The following TMEM117 variants were observed in gnomAD, a reference collection of about 807,000 sequenced individuals.
TMEM117 encodes the protein transmembrane protein 117.
TMEM117 carries 27 observed loss-of-function variants against 52.4 expected under a neutral mutation model. The observed-to-expected ratio is 0.51, with a 90% confidence interval of 0.38 to 0.71. The LOEUF is 0.71. Among genes scored for constraint, TMEM117 ranks in the 30% least tolerant of loss-of-function variants. The pLI, the probability that TMEM117 is intolerant of heterozygous loss-of-function variation, is 0.00. For synonymous variants in TMEM117, 215 were observed against 206.3 expected (o/e 1.04, Z -0.36); for missense variants, 556 against 630.5 (o/e 0.88, Z 1.26).
chr12:44,179,631 A>G (rs572564450), intron 4 of TMEM117, among the ~76,000 whole-genome samples: 3 of 152,266 alleles, frequency 2.0e-5, no homozygotes, highest in South Asian at 4.1e-4. Flanking sequence ...GTGCCCACCA[A>G]TTGGTGGGTC....
At chr12:44,370,070 A>AT (rs1328785110) in intron 6 of TMEM117, among the ~76,000 whole-genome samples, 2 of 152,180 alleles carry the variant, frequency 1.3e-5, no homozygotes, top group African/African-American at 4.8e-5. Flanking sequence ...ATGTGAAATG[A>AT]TCCCCCAACC....
intron 3 of TMEM117, among the ~76,000 whole-genome samples, chr12:44,010,496 A>G (rs1946272780): frequency 1.3e-5 from 2 of 152,012 alleles, no homozygotes; most frequent in Admixed American, 6.6e-5. Context: ...CCTCCCAGAG[A>G]CCTTACCCAG....
At chr12:44,048,965 A>G (rs1395719047) in intron 3 of TMEM117, among the ~76,000 whole-genome samples, 1 of 152,216 alleles carries the variant, frequency 6.6e-6, no homozygotes, top group East Asian at 1.9e-4. Flanking sequence ...TTATATTTAT[A>G]TAGCAGGTAT....
intron 2 of TMEM117, among the ~76,000 whole-genome samples, chr12:43,940,013 C>T (rs12302401): frequency 0.06 from 9,201 of 152,204 alleles, 712 homozygotes; most frequent in African/African-American, 0.18. Flanking sequence ...AGGAAAGATT[C>T]GCCTCCATGA....
intron 3 of TMEM117, among the ~76,000 whole-genome samples, chr12:43,945,465 C>A (rs142965099): frequency 0.022 from 3,312 of 152,190 alleles, 115 homozygotes; most frequent in East Asian, 0.2. Flanking sequence ...AGATTATAGG[C>A]GCCTGCCACC....
intron 3 of TMEM117, among the ~76,000 whole-genome samples, chr12:43,953,470 T>C (rs1945257290): frequency 6.6e-6 from 1 of 151,692 alleles, no homozygotes; most frequent in African/African-American, 2.4e-5. Flanking sequence ...ACCAAGCAAA[T>C]GGAAAGCAGA....
intron 3 of TMEM117, among the ~76,000 whole-genome samples, chr12:44,096,450 C>T (rs556647106): frequency 1.2e-3 from 185 of 152,138 alleles, no homozygotes; most frequent in Non-Finnish European, 2.4e-3. Flanking sequence ...ATCACGCTAC[C>T]TGACTTCAAA....
chr12:43,854,142 A>G (rs1367068825), intron 2 of TMEM117, among the ~76,000 whole-genome samples: 4 of 152,204 alleles, frequency 2.6e-5, no homozygotes, highest in Non-Finnish European at 4.4e-5. Context: ...CAACGAAAAT[A>G]TTTGAACAAT....
At chr12:44,354,698 C>T (rs1292696998) in intron 6 of TMEM117, among the ~76,000 whole-genome samples, 2 of 151,592 alleles carry the variant, frequency 1.3e-5, no homozygotes, top group African/African-American at 4.8e-5. Context: ...TATGACAAAC[C>T]CACAGCCAAT....
At chr12:44,046,136 T>G (rs1406345241) in intron 3 of TMEM117, among the ~76,000 whole-genome samples, 1 of 152,182 alleles carries the variant, frequency 6.6e-6, no homozygotes, top group Non-Finnish European at 1.5e-5. Flanking sequence ...GTGGCACCAC[T>G]CACTGTCACC....
chr12:44,372,276 C>T (rs779821758), intron 6 of TMEM117, among the ~76,000 whole-genome samples: 2 of 152,210 alleles, frequency 1.3e-5, no homozygotes, highest in Non-Finnish European at 2.9e-5. Flanking sequence ...CTGAACACCT[C>T]TTGCCTCGTC....
At chr12:44,367,300 C>G (rs1951802082) in intron 6 of TMEM117, among the ~76,000 whole-genome samples, 1 of 152,054 alleles carries the variant, frequency 6.6e-6, no homozygotes, top group Non-Finnish European at 1.5e-5. Flanking sequence ...CTCAGGAGCT[C>G]AAAGGTCTTA....
intron 5 of TMEM117, among the ~76,000 whole-genome samples, chr12:44,234,170 A>T (rs1375936340): frequency 6.6e-6 from 1 of 151,448 alleles, no homozygotes; most frequent in Admixed American, 6.6e-5. Context: ...TTTGTATAAA[A>T]ATAGTTATTG....
At chr12:43,877,902 C>CACAT (rs773893637) in intron 2 of TMEM117, among the ~76,000 whole-genome samples, 43 of 145,322 alleles carry the variant, frequency 3.0e-4, no homozygotes, top group Non-Finnish European at 5.3e-4. Flanking sequence ...CACACACACA[C>CACAT]ACACACACAC....
chr12:44,037,988 G>T (rs992861795), intron 3 of TMEM117, among the ~76,000 whole-genome samples: 7 of 151,976 alleles, frequency 4.6e-5, no homozygotes, highest in Non-Finnish European at 8.8e-5. Flanking sequence ...GGGATGCCCT[G>T]CCTGCAGATG....
intron 6 of TMEM117, among the ~76,000 whole-genome samples, chr12:44,334,897 T>G (rs1228076027): frequency 6.6e-6 from 1 of 152,042 alleles, no homozygotes; most frequent in East Asian, 1.9e-4. Flanking sequence ...GAATGGCCTT[T>G]CACTGTGATA....
At chr12:43,805,415 G>A in the TMEM117 span, 2 of 382,544 alleles carry the variant, frequency 5.2e-6, no homozygotes, top group East Asian at 7.3e-5. Flanking sequence ...GTGTTCATCT[G>A]GGAGAAAGAC....
At chr12:44,166,941 G>A (rs1002429676) in intron 4 of TMEM117, among the ~76,000 whole-genome samples, 1 of 152,174 alleles carries the variant, frequency 6.6e-6, no homozygotes, top group African/African-American at 2.4e-5. Context: ...GTAGCTCAGT[G>A]TTATTCCTTA....
intron 4 of TMEM117, among the ~76,000 whole-genome samples, chr12:44,169,988 T>G (rs1050542609): frequency 1.3e-5 from 2 of 152,210 alleles, no homozygotes; most frequent in South Asian, 4.1e-4. Flanking sequence ...TAAAGACACA[T>G]GCACACGTAT....
Sources: allele counts gnomAD v4.1 joint callset (sites outside exome capture counted in the v4.1 genomes callset), GRCh38; gene constraint gnomAD v4.1.1; transcripts MANE v1.5; gene names NCBI Gene and HGNC (gene_info 2026-07-23, HGNC 2026-07-21).